Variants in DLG2 observed in about 807,000 individuals in gnomAD.
DLG2 encodes disks large homolog 2.
Under a neutral mutation model 132.5 loss-of-function variants are expected in DLG2, and 45 were observed. The observed-to-expected ratio is 0.34, with a 90% CI of 0.27 to 0.44. The LOEUF is 0.44. Among genes scored for constraint, DLG2 ranks in the 20% least tolerant of loss-of-function variants. The pLI, the probability that DLG2 is intolerant of heterozygous loss-of-function variation, is 1.00. For missense variants in DLG2, 1,045 were observed against 1,196.9 expected (o/e 0.87, Z 1.87); for synonymous variants, 424 against 419.6 (o/e 1.01, Z -0.13).
chr11:85,476,539 CAA>C (rs1357080889), intron 3 of DLG2, among the ~76,000 whole-genome samples: 1 of 152,064 alleles, frequency 6.6e-6, no homozygotes, highest in East Asian at 1.9e-4. Flanking sequence ...GCTTAAAACA[CAA>C]ACACACATTA....
At chr11:84,325,479 A>G (rs906067557) in intron 7 of DLG2, among the ~76,000 whole-genome samples, 1 of 151,850 alleles carries the variant, frequency 6.6e-6, no homozygotes, top group African/African-American at 2.4e-5. Flanking sequence ...AATTTTGTCA[A>G]CTGCTTTTTC....
At chr11:84,418,524 A>G (rs909944666) in intron 7 of DLG2, among the ~76,000 whole-genome samples, 1 of 152,214 alleles carries the variant, frequency 6.6e-6, no homozygotes, top group African/African-American at 2.4e-5. Flanking sequence ...AATAATAAAC[A>G]AAGTCCTGAG....
intron 3 of DLG2, among the ~76,000 whole-genome samples, chr11:85,503,935 A>G (rs1056705522): frequency 6.6e-5 from 10 of 151,614 alleles, no homozygotes; most frequent in African/African-American, 2.4e-4. Context: ...CTGTCTCAAG[A>G]AGGAGGAGGA....
intron 6 of DLG2, among the ~76,000 whole-genome samples, chr11:84,814,042 T>A (rs1290422628): frequency 2.0e-5 from 3 of 152,150 alleles, no homozygotes; most frequent in African/African-American, 7.2e-5. Flanking sequence ...TCTATTTGAT[T>A]CCTAAAACAT....
At chr11:83,978,611 T>C (rs1248768032) in intron 12 of DLG2, among the ~76,000 whole-genome samples, 1 of 152,038 alleles carries the variant, frequency 6.6e-6, no homozygotes, top group Non-Finnish European at 1.5e-5. Flanking sequence ...TGCTTGAGAA[T>C]GAAAGTGGTA....
chr11:85,528,993 A>G (rs1598297122), intron 3 of DLG2, among the ~76,000 whole-genome samples: 3 of 152,370 alleles, frequency 2.0e-5, no homozygotes, highest in Middle Eastern at 3.4e-3. Context: ...AATACTATAC[A>G]GCAATGAAAA....
At chr11:83,702,564 G>A (rs755642777) in intron 18 of DLG2, among the ~76,000 whole-genome samples, 4 of 152,156 alleles carry the variant, frequency 2.6e-5, no homozygotes, top group African/African-American at 4.8e-5. Flanking sequence ...GAAGAAGAAG[G>A]CCAGGTTTGT....
intron 10 of DLG2, among the ~76,000 whole-genome samples, chr11:84,066,300 G>A (rs762145874): frequency 2.0e-5 from 3 of 152,168 alleles, no homozygotes; most frequent in Admixed American, 6.5e-5. Flanking sequence ...GAAGTACAAT[G>A]TAATTTCCTT....
intron 2 of DLG2, among the ~76,000 whole-genome samples, chr11:85,621,668 G>A (rs1327078097): frequency 1.3e-5 from 2 of 152,232 alleles, no homozygotes; most frequent in African/African-American, 2.4e-5. Flanking sequence ...AACTAGAAGT[G>A]AAGCCTGAAG....
chr11:84,322,596 A>AT (rs59443223), intron 7 of DLG2, among the ~76,000 whole-genome samples: 102,316 of 148,984 alleles, frequency 0.69, 35,212 homozygotes, highest in East Asian at 0.76. Flanking sequence ...TTTCACAAGA[A>AT]TTTTTTTTTT....
intron 16 of DLG2, among the ~76,000 whole-genome samples, 174 bp downstream of exon 16, chr11:83,874,246 G>GGGAA (rs2064137761): frequency 2.1e-5 from 3 of 143,972 alleles, no homozygotes; most frequent in Non-Finnish European, 4.5e-5. Context: ...AAAGAAAGAA[G>GGGAA]GGAAGGAAGG....
At chr11:85,012,999 A>G (rs905277560) in intron 6 of DLG2, among the ~76,000 whole-genome samples, 1 of 152,236 alleles carries the variant, frequency 6.6e-6, no homozygotes, top group African/African-American at 2.4e-5. Flanking sequence ...TCTTTTATCA[A>G]TATTAAATAT....
intron 6 of DLG2, among the ~76,000 whole-genome samples, chr11:84,796,483 C>G (rs1444091427): frequency 6.6e-6 from 1 of 152,094 alleles, no homozygotes; most frequent in Non-Finnish European, 1.5e-5. Context: ...TTACTATTAC[C>G]AGTGAGTTTT....
chr11:85,428,910 A>C (rs1428291771), intron 3 of DLG2, among the ~76,000 whole-genome samples: 1 of 152,144 alleles, frequency 6.6e-6, no homozygotes, highest in African/African-American at 2.4e-5. Flanking sequence ...AAGAGAGAAG[A>C]ATTAAATAGA....
chr11:83,860,193 A>T (rs1296910112), intron 16 of DLG2, among the ~76,000 whole-genome samples: 1 of 152,160 alleles, frequency 6.6e-6, no homozygotes, highest in South Asian at 2.1e-4. Context: ...CACCTAGTGG[A>T]GCTGTGAGAA....
chr11:85,624,662 A>T (rs2153279752), intron 2 of DLG2, among the ~76,000 whole-genome samples: 1 of 152,354 alleles, frequency 6.6e-6, no homozygotes, highest in South Asian at 2.1e-4. Context: ...AGTTGTCTAT[A>T]ATATTCAAGA....
chr11:84,810,524 T>C (rs2076440556), intron 6 of DLG2, among the ~76,000 whole-genome samples: 1 of 152,166 alleles, frequency 6.6e-6, no homozygotes, highest in Admixed American at 6.5e-5. Flanking sequence ...ATCGCTCACA[T>C]TCCTGGTGGG....
chr11:83,619,629 T>G lies in DLG2; in HGVS notation c.1940+13582A>C, dbSNP rs547434382. 2.0e-5 allele frequency among the ~76,000 whole-genome samples: 3 copies of G among 152,256 alleles called. No homozygotes were observed. The South Asian group carries it at 6.2e-4, about 32-fold the overall frequency. ...CAGGATACTTGAATCTATCATGTAATCAAGGGCTCATAAGAGGATTTGAGT... is the reference window on the plus strand; with the variant it reads ...CAGGATACTTGAATCTATCATGTAAGCAAGGGCTCATAAGAGGATTTGAGT... On this transcript the variant is annotated intron_variant, in intron 19 of 27. Transcript: ENST00000376104.
At chr11:84,473,915 G>A (rs556417914) in intron 7 of DLG2, among the ~76,000 whole-genome samples, 41 of 152,028 alleles carry the variant, frequency 2.7e-4, no homozygotes, top group Admixed American at 7.2e-4. Flanking sequence ...TTTATATCTA[G>A]GTAAAACTCA....
Sources: gnomAD v4.1 joint callset for allele counts (sites outside exome capture counted in the v4.1 genomes callset) on GRCh38, gnomAD v4.1.1 for gene constraint, MANE v1.5 for transcripts, NCBI Gene and HGNC (gene_info 2026-07-23, HGNC 2026-07-21) for gene names.